Variants in ALLC observed in about 807,000 individuals in gnomAD.
ALLC encodes the protein probable inactive allantoicase.
Under a neutral mutation model 45.0 loss-of-function variants are expected in ALLC, and 40 were observed. The ratio of observed to expected loss-of-function variants is 0.89; its 90% CI spans 0.69 to 1.16. The LOEUF (loss-of-function observed/expected upper bound fraction) is 1.16. Among genes scored for constraint, ALLC ranks in the 50% most tolerant of loss-of-function variants. The probability of loss-of-function intolerance (pLI) is 0.00; values close to 1 mark genes in which losing one functional copy is unlikely to be tolerated. For missense variants in ALLC, 488 were observed against 493.1 expected (o/e 0.99, Z 0.10); for synonymous variants, 176 against 178.1 (o/e 0.99, Z 0.09).
At chr2:3,673,378 A>C (rs569121920) in intron 2 of ALLC, among the ~76,000 whole-genome samples, 1 of 152,106 alleles carries the variant, frequency 6.6e-6, no homozygotes, top group African/African-American at 2.4e-5. Flanking sequence ...GAACAGGTCA[A>C]CCTCAGCACA....
intron 1 of ALLC, 58 bp from the exon 2 acceptor site, chr2:3,671,038 G>T: frequency 1.0e-6 from 1 of 978,060 alleles, no homozygotes; most frequent in Non-Finnish European, 1.6e-6. Context: ...GAGCCTAGAC[G>T]GGGCCTCACT....
At chr2:3,694,028 T>C (rs1667592632) in intron 7 of ALLC, among the ~76,000 whole-genome samples, 1 of 152,000 alleles carries the variant, frequency 6.6e-6, no homozygotes, top group Admixed American at 6.5e-5. Flanking sequence ...AACTGCAAAA[T>C]AGTGATACAT....
At chr2:3,647,886 G>T in the ALLC span, among the ~76,000 whole-genome samples, 1 of 152,202 alleles carries the variant, frequency 6.6e-6, no homozygotes, top group Non-Finnish European at 1.5e-5. Context: ...GATGTGCGCC[G>T]GTGAGACCCT....
intron 1 of ALLC, among the ~76,000 whole-genome samples, chr2:3,660,257 C>A (rs939335735): frequency 6.6e-6 from 1 of 152,186 alleles, no homozygotes; most frequent in African/African-American, 2.4e-5. Context: ...TGCACGCCGG[C>A]TCCCTTCACT....
intron 1 of ALLC, among the ~76,000 whole-genome samples, chr2:3,666,523 A>G (rs570854117): frequency 6.6e-6 from 1 of 152,312 alleles, no homozygotes; most frequent in African/African-American, 2.4e-5. Context: ...CAGCCTCAGC[A>G]TCTACACCCT....
At chr2:3,666,430 G>A (rs77489982) in intron 1 of ALLC, among the ~76,000 whole-genome samples, 7,469 of 152,316 alleles carry the variant, frequency 0.049, 214 homozygotes, top group East Asian at 0.11. Context: ...AATGATGAAG[G>A]GGTGTGTGCA....
chr2:3,698,677 G>T (rs912820935), intron 10 of ALLC, among the ~76,000 whole-genome samples: 2 of 152,186 alleles, frequency 1.3e-5, no homozygotes, highest in African/African-American at 4.8e-5. Context: ...ATAAATACTG[G>T]ATTGAGTATT....
chr2:3,647,886 G>A, the ALLC span, among the ~76,000 whole-genome samples: 10 of 152,320 alleles, frequency 6.6e-5, no homozygotes, highest in East Asian at 1.9e-4. Context: ...GATGTGCGCC[G>A]GTGAGACCCT....
At chr2:3,651,147 G>A in the ALLC span, among the ~76,000 whole-genome samples, 1 of 152,010 alleles carries the variant, frequency 6.6e-6, no homozygotes. Context: ...CACACAGCCT[G>A]GGGCTGCCCG....
chr2:3,657,559 C>T (rs996947554), upstream of ALLC, among the ~76,000 whole-genome samples: 3 of 152,262 alleles, frequency 2.0e-5, no homozygotes, highest in South Asian at 4.1e-4. Flanking sequence ...TAGCTTGCCC[C>T]GCAGGGTGGC....
At chr2:3,661,055 C>A (rs1666564000) in intron 1 of ALLC, among the ~76,000 whole-genome samples, 1 of 152,096 alleles carries the variant, frequency 6.6e-6, no homozygotes, top group African/African-American at 2.4e-5. Flanking sequence ...TGGTTTCAAA[C>A]AGCATAGGCC....
At chr2:3,694,459 T>C (rs1015546465) in intron 7 of ALLC, among the ~76,000 whole-genome samples, 7 of 152,216 alleles carry the variant, frequency 4.6e-5, no homozygotes, top group East Asian at 3.8e-4. Flanking sequence ...TGAAGAGTCA[T>C]TTCTGGGATT....
chr2:3,695,447 G>C (rs1482763095), intron 7 of ALLC: 1 of 393,558 alleles, frequency 2.5e-6, no homozygotes, highest in African/African-American at 2.1e-5. Context: ...GACAACTTCA[G>C]AGCATGAGAG....
chr2:3,697,621 G>GCCTA (rs1553367375), intron 10 of ALLC, among the ~76,000 whole-genome samples, 165 bp downstream of exon 10: 4 of 125,326 alleles, frequency 3.2e-5, no homozygotes, highest in Non-Finnish European at 5.5e-5. Context: ...CTGTCTGTCT[G>GCCTA]TCTATCTATC....
intron 3 of ALLC, 103 bp from the exon 4 acceptor site, chr2:3,678,365 G>C: frequency 1.0e-6 from 1 of 963,940 alleles, no homozygotes; most frequent in Non-Finnish European, 1.6e-6. Context: ...CCTAGACCCC[G>C]GTTTGCACCG....
chr2:3,652,379 A>G, the ALLC span, among the ~76,000 whole-genome samples: 1 of 152,236 alleles, frequency 6.6e-6, no homozygotes, highest in African/African-American at 2.4e-5. Flanking sequence ...ATCCAGAGCC[A>G]CTATTCATAG....
chr2:3,670,413 AG>A (rs1666833294), intron 1 of ALLC, among the ~76,000 whole-genome samples: 1 of 152,234 alleles, frequency 6.6e-6, no homozygotes, highest in South Asian at 2.1e-4. Context: ...CTCTGGGGTC[AG>A]GCCAGACTCT....
the ALLC span, among the ~76,000 whole-genome samples, chr2:3,649,538 GC>G: frequency 2.0e-5 from 3 of 152,332 alleles, no homozygotes; most frequent in South Asian, 6.2e-4. Context: ...ACCGCGCCCG[GC>G]CCCCAAACAC....
chr2:3,664,818 A>C (rs531711322), intron 1 of ALLC, among the ~76,000 whole-genome samples: 1 of 151,524 alleles, frequency 6.6e-6, no homozygotes, highest in South Asian at 2.1e-4. Flanking sequence ...CAAGAGTTTG[A>C]GGCTGCAGTG....
Sources: gnomAD v4.1 joint callset for allele counts (sites outside exome capture counted in the v4.1 genomes callset) on GRCh38, gnomAD v4.1.1 for gene constraint, MANE v1.5 for transcripts, NCBI Gene and HGNC (gene_info 2026-07-23, HGNC 2026-07-21) for gene names.